The following WWTR1 variants were observed in gnomAD, a reference collection of about 807,000 sequenced individuals.
WWTR1 encodes the protein WW domain containing transcription regulator 1.
Under a neutral mutation model 40.1 loss-of-function variants are expected in WWTR1, and 13 were observed. That is an observed-to-expected ratio of 0.32 (90% CI 0.21 to 0.52). WWTR1 has a LOEUF of 0.52. Ranked by LOEUF, WWTR1 falls within the 20% of genes least tolerant of loss-of-function variation. WWTR1 has a pLI of 0.97. For synonymous variants in WWTR1, 230 were observed against 210.1 expected, an observed-to-expected ratio of 1.09 and a Z score of -0.82; for missense variants, 436 against 523.1, an observed-to-expected ratio of 0.83 and a Z score of 1.63.
At chr3:149,567,537 C>T (rs1232004096) in intron 3 of WWTR1, among the ~76,000 whole-genome samples, 1 of 152,104 alleles carries the variant, frequency 6.6e-6, no homozygotes, top group Non-Finnish European at 1.5e-5. Flanking sequence ...GTTGCAGTAA[C>T]CATGGTTGGG....
At chr3:149,532,493 A>G (rs1735631949) in intron 4 of WWTR1, among the ~76,000 whole-genome samples, 1 of 152,258 alleles carries the variant, frequency 6.6e-6, no homozygotes, top group South Asian at 2.1e-4. Flanking sequence ...TTGTTCGAAT[A>G]TAAATGGAAA....
chr3:149,582,912 AT>A (rs1738221167), intron 2 of WWTR1, among the ~76,000 whole-genome samples: 1 of 152,150 alleles, frequency 6.6e-6, no homozygotes, highest in Non-Finnish European at 1.5e-5. Flanking sequence ...AAAACATGGG[AT>A]GAGAATCAGA....
At chr3:149,537,325 C>T (rs1171465143) in intron 4 of WWTR1, among the ~76,000 whole-genome samples, 2 of 152,030 alleles carry the variant, frequency 1.3e-5, no homozygotes, top group Non-Finnish European at 2.9e-5. Context: ...AATGACTTCC[C>T]AATATATTAA....
intron 2 of WWTR1, among the ~76,000 whole-genome samples, chr3:149,583,627 T>C (rs982108815): frequency 2.0e-5 from 3 of 152,244 alleles, no homozygotes; most frequent in Admixed American, 6.5e-5. Context: ...GCAGCCAGTT[T>C]CTTCCAGGGT....
At chr3:149,720,876 T>G (rs1265468204) in intron 4 of WWTR1, among the ~76,000 whole-genome samples, 1 of 152,206 alleles carries the variant, frequency 6.6e-6, no homozygotes, top group East Asian at 1.9e-4. Flanking sequence ...TTATTTTTGA[T>G]GCTATTATAA....
chr3:149,715,351 G>A lies in WWTR1; in HGVS notation n.584+2091C>T, dbSNP rs895318778. 4.6e-5 allele frequency among the ~76,000 whole-genome samples: 7 copies of A among 152,236 alleles called. No homozygotes were observed. In the South Asian group the frequency reaches 6.2e-4, roughly 13 times the overall value. ...GCTTCTGGGTGTCAAGCTTCTGGGC[G>A]TCACTGCATTTTCCGGTGCCAGCTG... On this transcript the variant is annotated intron_variant and non_coding_transcript_variant, in intron 5 of 6. Transcript: ENST00000474080.
chr3:149,586,396 A>G (rs1000693131), intron 2 of WWTR1, among the ~76,000 whole-genome samples: 8 of 151,942 alleles, frequency 5.3e-5, no homozygotes, highest in African/African-American at 1.4e-4. Flanking sequence ...AACACTCGCA[A>G]GATAAAGAAA....
upstream of WWTR1, among the ~76,000 whole-genome samples, chr3:149,708,235 GACA>G (rs1715383378): frequency 6.6e-6 from 1 of 152,048 alleles, no homozygotes; most frequent in African/African-American, 2.4e-5. Flanking sequence ...AAATATGACT[GACA>G]ACATTTTTTT....
chr3:149,529,951 T>C (rs1018432417), intron 4 of WWTR1, among the ~76,000 whole-genome samples: 16 of 152,218 alleles, frequency 1.1e-4, no homozygotes, highest in African/African-American at 3.9e-4. Flanking sequence ...CCATTCTGAA[T>C]AAATGTGGGA....
intron 2 of WWTR1, among the ~76,000 whole-genome samples, chr3:149,655,712 T>C (rs913891637): frequency 2.2e-4 from 33 of 152,238 alleles, no homozygotes; most frequent in Admixed American, 2.0e-4. Flanking sequence ...TGGTCACTGG[T>C]ATGAATCAAT....
chr3:149,673,534 G>T (rs1342416498), intron 1 of WWTR1, among the ~76,000 whole-genome samples: 2 of 152,176 alleles, frequency 1.3e-5, no homozygotes, highest in Non-Finnish European at 2.9e-5. Context: ...TGAAAATTTG[G>T]TATGTGCTTG....
At chr3:149,551,101 C>G (rs1197699598) in intron 3 of WWTR1, among the ~76,000 whole-genome samples, 1 of 143,958 alleles carries the variant, frequency 6.9e-6, no homozygotes, top group African/African-American at 2.7e-5. Flanking sequence ...AGTTTGAGAC[C>G]AGCCTGACCA....
At chr3:149,613,995 C>T (rs1348191755) in intron 2 of WWTR1, among the ~76,000 whole-genome samples, 1 of 152,122 alleles carries the variant, frequency 6.6e-6, no homozygotes, top group Non-Finnish European at 1.5e-5. Context: ...AGAGAAAATA[C>T]ATAACTTCCC....
chr3:149,714,335 A>G (rs772244490), intron 5 of WWTR1, among the ~76,000 whole-genome samples: 6 of 152,190 alleles, frequency 3.9e-5, no homozygotes, highest in Non-Finnish European at 8.8e-5. Context: ...AGAACCAGGC[A>G]TCTCTGAACT....
intron 2 of WWTR1, among the ~76,000 whole-genome samples, chr3:149,581,220 G>A (rs1392504083): frequency 2.6e-5 from 4 of 151,782 alleles, no homozygotes; most frequent in African/African-American, 7.3e-5. Context: ...AATCCTAAAC[G>A]GCACCATCTC....
upstream of WWTR1, chr3:149,659,404 C>T (rs900949002): frequency 7.1e-6 from 1 of 141,830 alleles, no homozygotes; most frequent in South Asian, 2.2e-4. Context: ...TCCATCTCAG[C>T]TCACTGCAAC....
intron 4 of WWTR1, among the ~76,000 whole-genome samples, chr3:149,533,553 A>G (rs1560047542): frequency 6.6e-6 from 1 of 152,222 alleles, no homozygotes; most frequent in Non-Finnish European, 1.5e-5. Flanking sequence ...CTTCTTCTCA[A>G]TTCTCCAGGC....
chr3:149,521,031 A>G, intron 6 of WWTR1, 42 bp from the exon 7 acceptor site: 1 of 1,531,346 alleles, frequency 6.5e-7, no homozygotes, highest in Non-Finnish European at 8.7e-7. Context: ...TCCTTCTTTT[A>G]GGCTCTTGAA....
chr3:149,589,840 G>A (rs1447039846), intron 2 of WWTR1, among the ~76,000 whole-genome samples: 7 of 151,948 alleles, frequency 4.6e-5, no homozygotes, highest in Non-Finnish European at 8.8e-5. Context: ...GGTTTACTTC[G>A]ACAAATCATT....
Sources: gnomAD v4.1 joint callset for allele counts (sites outside exome capture counted in the v4.1 genomes callset) on GRCh38, gnomAD v4.1.1 for gene constraint, MANE v1.5 for transcripts, NCBI Gene and HGNC (gene_info 2026-07-23, HGNC 2026-07-21) for gene names.